Variants in HAUS7 observed in about 807,000 individuals in gnomAD.
HAUS7 encodes HAUS augmin-like complex subunit 7.
A neutral mutation model predicts 28.4 loss-of-function variants in HAUS7; 3 were observed. The ratio of observed to expected loss-of-function variants is 0.11; its 90% CI spans 0.05 to 0.27. The LOEUF (loss-of-function observed/expected upper bound fraction) is 0.27, where lower values mean the gene tolerates loss of function less well. Ranked by LOEUF, HAUS7 falls within the 10% of genes least tolerant of loss-of-function variation. HAUS7 has a pLI of 1.00. For synonymous variants in HAUS7, 165 were observed against 132.1 expected, an observed-to-expected ratio of 1.25 and a Z score of -1.71; for missense variants, 284 against 297.3, an observed-to-expected ratio of 0.96 and a Z score of 0.33.
chrX:153,477,070 G>T (rs1350987558), intron 1 of HAUS7, among the ~76,000 whole-genome samples: 1 of 113,101 alleles, frequency 8.8e-6, no homozygotes. Flanking sequence ...CAGCCACCAG[G>T]CTCCCGACCA....
At chrX:153,482,692 C>T (rs781961086) in intron 1 of HAUS7, 35 of 755,410 alleles carry the variant, frequency 4.6e-5, no homozygotes, top group Non-Finnish European at 1.9e-5. Flanking sequence ...CAATGGCTCA[C>T]CGCACCCCTC....
At position 153,453,316 on chromosome X, in the gene HAUS7, G is replaced by A. The variant is rs1056591539; in HGVS notation, c.1045+1078C>T. Among the ~76,000 whole-genome samples the A allele has an allele frequency of 8.1e-5, 9 of 111,717 alleles. No homozygotes were observed. In the East Asian group the frequency reaches 2.0e-3, roughly 24 times the overall value. On this transcript the variant is annotated intron_variant, in intron 9 of 9. Transcript: ENST00000370211. ...TAATCATATGGGGTTTCTTCTGGGG[G>A]TGATAAAAATGTTCTGGACTCAGAT...
At chrX:153,493,639 A>G (rs1250308769) in intron 1 of HAUS7, among the ~76,000 whole-genome samples, 2 of 111,748 alleles carry the variant, frequency 1.8e-5, no homozygotes. Flanking sequence ...GGCCCAGTCT[A>G]GAAGCTTCTT....
intron 1 of HAUS7, chrX:153,482,320 C>T (rs1377836199): frequency 2.6e-6 from 2 of 756,699 alleles, no homozygotes; most frequent in African/African-American, 4.5e-5. Context: ...TCCCCATGAC[C>T]TCCCAGAATC....
At chrX:153,491,242 G>A (rs2089669274) in intron 1 of HAUS7, among the ~76,000 whole-genome samples, 1 of 111,999 alleles carries the variant, frequency 8.9e-6, no homozygotes, top group Non-Finnish European at 1.9e-5. Flanking sequence ...CAGGCTCCTA[G>A]GCTCTGCCCT....
chrX:153,485,318 G>A (rs2124184152), intron 1 of HAUS7, among the ~76,000 whole-genome samples: 1 of 111,967 alleles, frequency 8.9e-6, no homozygotes, highest in African/African-American at 3.2e-5. Context: ...AGGGCTTCGA[G>A]GCCGAGGACC....
Position 153,456,648 on chromosome X carries a change from C to A in HAUS7, c.450G>T (p.Leu150=), listed in dbSNP as rs782563677. 1 of 1,175,895 alleles carries A rather than the reference C, an allele frequency of 8.5e-7. No individual in the cohort carries two copies. Among genetic ancestry groups the A allele is most frequent in the African/African-American group, 1.8e-5 (1 of 56,617 alleles). ...CCCTGGTGTCCTCGAAGTGCTCCAT[C>A]AGGCTGCAAAGGCAGCCCCCAGGGC... The part of the protein sequence containing the change: ...LTIGCSSCSS[L]MEHFEDTREK... The change falls in exon 6 of 10, where the codon CTG becomes CTT. Residue 150 remains leucine (L), a synonymous_variant. Coordinates refer to ENST00000370211, the MANE Select transcript of HAUS7 (RefSeq NM_001385482.1).
chrX:153,474,600 GCC>G, upstream of HAUS7, among the ~76,000 whole-genome samples: 1 of 110,885 alleles, frequency 9.0e-6, no homozygotes, highest in East Asian at 2.9e-4. Context: ...TTGTCCTCCT[GCC>G]CCGGGCCCCA....
At chrX:153,486,606 C>T in intron 1 of HAUS7, 1 of 980,397 alleles carries the variant, frequency 1.0e-6, no homozygotes. Flanking sequence ...CTCTCCCCTG[C>T]TCTGCCCCAC....
At chrX:153,485,838 T>G (rs1011402515) in intron 1 of HAUS7, 4 of 904,403 alleles carry the variant, frequency 4.4e-6, no homozygotes, top group Non-Finnish European at 5.6e-6. Context: ...CCGCGGGGCC[T>G]GAGGCGCCTG....
At chrX:153,470,735 G>A, upstream of HAUS7, 1 of 642,650 alleles carries the variant, frequency 1.6e-6, no homozygotes, top group Non-Finnish European at 2.3e-6. Context: ...CCCCCGCCCC[G>A]GCACCACCCA....
At chrX:153,480,686 C>T (rs2089594248) in intron 1 of HAUS7, 2 of 754,638 alleles carry the variant, frequency 2.7e-6, no homozygotes, top group Middle Eastern at 7.6e-4. Context: ...CTCAAGGAAC[C>T]CCCACCCAGT....
At position 153,492,706 on chromosome X, in the gene HAUS7, C is replaced by T. The variant is rs148787388; in HGVS notation, c.-589+2668G>A. Among the ~76,000 whole-genome samples, 278 of 110,336 alleles carry T rather than the reference C, an allele frequency of 2.5e-3. 10 individuals carry two copies. The East Asian group carries it at 0.075, about 30-fold the overall frequency. ...TCGGTGCAGGGCCGGACTGCAGCGC[C>T]GCCTGGCTCCCCTGTGTCTCCCCAC... On this transcript the variant is annotated intron_variant, in intron 1 of 5. Transcript: ENST00000370210.
At chrX:153,488,386 G>A (rs782778841) in intron 1 of HAUS7, among the ~76,000 whole-genome samples, 3 of 113,161 alleles carry the variant, frequency 2.7e-5, no homozygotes, top group African/African-American at 6.4e-5. Context: ...ACCTCGCCCC[G>A]CCATCAGCTC....
intron 2 of HAUS7, among the ~76,000 whole-genome samples, chrX:153,468,213 C>T (rs1445653423): frequency 1.8e-5 from 2 of 112,254 alleles, no homozygotes; most frequent in Non-Finnish European, 3.8e-5. Context: ...CGGGCCAGAC[C>T]GGCTGGATGC....
intron 1 of HAUS7, among the ~76,000 whole-genome samples, chrX:153,492,022 G>A (rs1008568244): frequency 9.8e-5 from 11 of 112,514 alleles, no homozygotes; most frequent in African/African-American, 3.6e-4. Flanking sequence ...CCCACCTCCT[G>A]CTCCCTGTCT....
At chrX:153,454,373 G>A in intron 9 of HAUS7, 21 bp downstream of exon 9, 1 of 948,010 alleles carries the variant, frequency 1.1e-6, no homozygotes, top group Non-Finnish European at 1.5e-6. Context: ...CAGGCAGAGG[G>A]CCAGGTGGGC....
Position 153,470,541 on chromosome X carries a change from G to A in HAUS7, c.17C>T (p.Ala6Val), listed in dbSNP as rs781933687. The A allele has an allele frequency of 1.2e-5, 14 of 1,191,405 alleles. No individual in the cohort carries two copies. Among genetic ancestry groups the A allele is most frequent in the Admixed American group, 4.5e-5 (2 of 44,783 alleles). The change falls in exon 1 of 10, where the codon GCT becomes GTT. Residue 6 changes from alanine (A) to valine (V), a missense_variant. By Grantham distance (64) the Ala-to-Val change is moderately conservative. Coordinates refer to ENST00000370211, the MANE Select transcript of HAUS7 (RefSeq NM_001385482.1). MAGQD[A>V]GCGRGGDDYS... is the part of the protein sequence containing the mutation. ...GTCGTCGCCGCCACGGCCGCAGCCA[G>A]CGTCCTGCCCCGCCATGTTTCGCGC...
chrX:153,448,421 C>T (rs1476836082), intron 9 of HAUS7, among the ~76,000 whole-genome samples: 1 of 103,608 alleles, frequency 9.7e-6, no homozygotes, highest in African/African-American at 3.6e-5. Context: ...GGAGGGATAG[C>T]ATTAGGAGAT....
Sources: allele counts gnomAD v4.1 joint callset (sites outside exome capture counted in the v4.1 genomes callset), GRCh38; gene constraint gnomAD v4.1.1; transcripts MANE v1.5; gene names NCBI Gene and HGNC (gene_info 2026-07-23, HGNC 2026-07-21).